Variants in NR3C1 observed in about 807,000 individuals in gnomAD.
NR3C1 encodes nuclear receptor subfamily 3 group C member 1, also known as glucocorticoid receptor.
NR3C1 carries 14 observed loss-of-function variants against 74.0 expected under a neutral mutation model. The observed-to-expected ratio is 0.19, with a 90% confidence interval of 0.12 to 0.30. NR3C1 has a LOEUF of 0.30. Among genes scored for constraint, NR3C1 ranks in the 10% least tolerant of loss-of-function variants. The pLI is 1.00. For synonymous variants in NR3C1, 308 were observed against 332.5 expected (o/e 0.93, Z 0.80); for missense variants, 695 against 909.8 (o/e 0.76, Z 3.04).
intron 7 of NR3C1, among the ~76,000 whole-genome samples, chr5:143,283,083 A>G (rs1340540155): frequency 6.6e-6 from 1 of 152,176 alleles, no homozygotes; most frequent in Non-Finnish European, 1.5e-5. Context: ...TATGTTGCCC[A>G]GGCTGGTCTT....
intron 2 of NR3C1, among the ~76,000 whole-genome samples, chr5:143,378,491 A>C (rs1835617620): frequency 6.6e-6 from 1 of 152,108 alleles, no homozygotes; most frequent in African/African-American, 2.4e-5. Flanking sequence ...AAAAATTCAG[A>C]CTTGCTTGTG....
chr5:143,340,565 C>T (rs1239836797), intron 2 of NR3C1, among the ~76,000 whole-genome samples: 2 of 148,672 alleles, frequency 1.3e-5, no homozygotes, highest in African/African-American at 5.0e-5. Flanking sequence ...TCACTGCAAC[C>T]TCCGCCTCCT....
At chr5:143,324,791 A>T (rs1357078965) in intron 2 of NR3C1, among the ~76,000 whole-genome samples, 5 of 152,182 alleles carry the variant, frequency 3.3e-5, no homozygotes. Flanking sequence ...TGCTGCTTAG[A>T]AATTTCTTCC....
At chr5:143,298,640 C>A (rs72481847) in intron 6 of NR3C1, 28 bp downstream of exon 6, 6 of 1,605,520 alleles carry the variant, frequency 3.7e-6, no homozygotes, top group East Asian at 2.2e-5. Context: ...CCTATGAATA[C>A]AGGGAAAATG....
chr5:143,424,761 G>A (rs1038491076), intron 1 of NR3C1, among the ~76,000 whole-genome samples: 1 of 152,108 alleles, frequency 6.6e-6, no homozygotes, highest in African/African-American at 2.4e-5. Context: ...AATGAACATG[G>A]CATTGAGTGT....
chr5:143,404,267 G>A (rs1840894981), upstream of NR3C1: 1 of 985,418 alleles, frequency 1.0e-6, no homozygotes, highest in African/African-American at 1.7e-5. Context: ...GGGGTTGCAC[G>A]GAAACGGTGC....
chr5:143,307,492 A>G (rs987216833), intron 4 of NR3C1, among the ~76,000 whole-genome samples: 1 of 152,184 alleles, frequency 6.6e-6, no homozygotes, highest in African/African-American at 2.4e-5. Flanking sequence ...AATTGCCCAG[A>G]AAAACATTAT....
At chr5:143,403,854 G>T (rs1337571717), upstream of NR3C1, 8 of 971,642 alleles carry the variant, frequency 8.2e-6, no homozygotes, top group African/African-American at 1.4e-4. Context: ...CGCGGGCCCC[G>T]CCACCCCGGC....
At chr5:143,287,179 A>G (rs1473563716) in intron 7 of NR3C1, among the ~76,000 whole-genome samples, 1 of 152,134 alleles carries the variant, frequency 6.6e-6, no homozygotes, top group East Asian at 1.9e-4. Flanking sequence ...AAAAGAAGAA[A>G]TAATAATCAA....
chr5:143,435,406 G>A (rs1374741688), exon 1 of NR3C1: 3 of 985,304 alleles, frequency 3.0e-6, no homozygotes, highest in Non-Finnish European at 3.6e-6. Flanking sequence ...AAAGTGATTC[G>A]CCTCTACTCA....
chr5:143,350,812 A>C (rs1263682801), intron 2 of NR3C1, among the ~76,000 whole-genome samples: 2 of 152,188 alleles, frequency 1.3e-5, no homozygotes, highest in African/African-American at 4.8e-5. Context: ...GGAAAACTAG[A>C]AACAGAATTG....
At chr5:143,302,335 A>G (rs1227253721) in intron 4 of NR3C1, among the ~76,000 whole-genome samples, 1 of 152,134 alleles carries the variant, frequency 6.6e-6, no homozygotes, top group Non-Finnish European at 1.5e-5. Context: ...ACAACTTAAT[A>G]GAGGAGTGAT....
chr5:143,424,763 A>G (rs1033694676), intron 1 of NR3C1, among the ~76,000 whole-genome samples: 3 of 152,212 alleles, frequency 2.0e-5, no homozygotes, highest in Non-Finnish European at 4.4e-5. Context: ...TGAACATGGC[A>G]TTGAGTGTTA....
chr5:143,337,953 T>C (rs576162637), intron 2 of NR3C1, among the ~76,000 whole-genome samples: 7 of 152,336 alleles, frequency 4.6e-5, no homozygotes, highest in Non-Finnish European at 7.4e-5. Context: ...CTCCAAGGTA[T>C]TGGCAATATT....
intron 2 of NR3C1, among the ~76,000 whole-genome samples, chr5:143,329,599 T>G (rs1825494074): frequency 6.6e-6 from 1 of 152,198 alleles, no homozygotes. Flanking sequence ...AGCTTGGTTT[T>G]CAAACTGTAT....
intron 2 of NR3C1, among the ~76,000 whole-genome samples, chr5:143,381,406 T>C (rs1836217875): frequency 6.6e-6 from 1 of 151,752 alleles, no homozygotes. Context: ...TATTAATAAA[T>C]ATCAATGACA....
In NR3C1 at chr5:143,418,981, A is replaced by G. The variant is rs1426002019; in HGVS notation, c.-14+15551T>C. Among the ~76,000 whole-genome samples, 3 of 152,182 alleles carry G rather than the reference A, an allele frequency of 2.0e-5. 1 individual carries two copies. Among genetic ancestry groups the G allele is most frequent in the Non-Finnish European group, 4.4e-5 (3 of 68,026 alleles). ...TGCTAATTTTAGTGCAGTATTTGGC[A>G]TTACTATAGGTCAAATATCCCTAAT... On this transcript the variant is annotated intron_variant, in intron 1 of 8. Coordinates refer to the NR3C1 transcript ENST00000343796.
intron 2 of NR3C1, among the ~76,000 whole-genome samples, chr5:143,327,511 C>T (rs891075100): frequency 6.6e-6 from 1 of 152,202 alleles, no homozygotes; most frequent in Non-Finnish European, 1.5e-5. Flanking sequence ...ACAGCATTAA[C>T]TCAAAAGTCC....
chr5:143,366,200 G>A (rs763729165), intron 2 of NR3C1, among the ~76,000 whole-genome samples: 2 of 151,988 alleles, frequency 1.3e-5, no homozygotes, highest in Non-Finnish European at 2.9e-5. Flanking sequence ...AAACAATAGA[G>A]TAGGTCAACA....
Sources: gnomAD v4.1 joint callset for allele counts (sites outside exome capture counted in the v4.1 genomes callset) on GRCh38, gnomAD v4.1.1 for gene constraint, MANE v1.5 for transcripts, NCBI Gene and HGNC (gene_info 2026-07-23, HGNC 2026-07-21) for gene names.